Variants in L3HYPDH observed in about 807,000 individuals in gnomAD.
The protein encoded by L3HYPDH is trans-3-hydroxy-L-proline dehydratase.
L3HYPDH carries 32 observed loss-of-function variants against 26.5 expected under a neutral mutation model. The observed-to-expected ratio is 1.21, with a 90% CI of 0.91 to 1.62. The LOEUF is 1.62. Among genes scored for constraint, L3HYPDH ranks in the 40% most tolerant of loss-of-function variants. The pLI, the probability that L3HYPDH is intolerant of heterozygous loss-of-function variation, is 0.00. For missense variants in L3HYPDH, 554 were observed against 476.4 expected, an observed-to-expected ratio of 1.16 and a Z score of -1.52; for synonymous variants, 215 against 196.6, an observed-to-expected ratio of 1.09 and a Z score of -0.78.
chr14:59,479,432 G>T, intron 1 of L3HYPDH, 81 bp from the exon 2 acceptor site: 2 of 1,293,750 alleles, frequency 1.5e-6, no homozygotes, highest in Non-Finnish European at 2.2e-6. Flanking sequence ...TTTTTAATAT[G>T]TTTATTTTTC....
At chr14:59,502,755 T>TGTTTTTTTTTTTTTGTTTTTGTGTTTTG in the L3HYPDH span, among the ~76,000 whole-genome samples, 2 of 122,918 alleles carry the variant, frequency 1.6e-5, no homozygotes, top group African/African-American at 3.0e-5. Flanking sequence ...ATGAGATTTT[T>TGTTTTTTTTTTTTTGTTTTTGTGTTTTG]TTTTTTTTTT....
In L3HYPDH at chr14:59,483,866, C is replaced by T. The variant is rs1487376709; in HGVS notation, c.451G>A (p.Gly151Ser). ...AAGCGCACCGGTCCGTGGCTGCGGCCGTCCTCGCATGCCACGAAGGCGGTC... is the reference window on the plus strand; with the variant it reads ...AAGCGCACCGGTCCGTGGCTGCGGCTGTCCTCGCATGCCACGAAGGCGGTC... Reference protein sequence around the residue: ...LVTAFVACEDGRSHGPVRFHS... With the variant: ...LVTAFVACEDSRSHGPVRFHS... The change falls in exon 1 of 5, where the codon GGC becomes AGC. Residue 151 changes from glycine (G) to serine (S), a missense_variant. Gly to Ser is a moderately conservative substitution (Grantham distance 56). Transcript: ENST00000247194. 1.3e-6 allele frequency: 2 copies of T among 1,582,748 alleles called. No homozygotes were observed. The highest frequency in any genetic ancestry group is 1.3e-5 in the African/African-American group (1 of 74,516).
chr14:59,489,875 G>A, the L3HYPDH span, among the ~76,000 whole-genome samples: 1 of 109,992 alleles, frequency 9.1e-6, no homozygotes, highest in East Asian at 2.0e-4. Context: ...AGGGGGAGGA[G>A]GTACCTCTTT....
At chr14:59,477,883 C>T (rs376290421) in intron 2 of L3HYPDH, among the ~76,000 whole-genome samples, 5 of 152,320 alleles carry the variant, frequency 3.3e-5, no homozygotes. Flanking sequence ...TTCTCACGTA[C>T]TAAACATTCA....
the L3HYPDH span, among the ~76,000 whole-genome samples, chr14:59,503,464 A>G: frequency 6.6e-6 from 1 of 152,176 alleles, no homozygotes; most frequent in African/African-American, 2.4e-5. Context: ...TGTACCTCCT[A>G]TTTCCCACCT....
At chr14:59,485,099 GAGCC>G (rs1890427749), upstream of L3HYPDH, 1 of 1,598,308 alleles carries the variant, frequency 6.3e-7, no homozygotes, top group African/African-American at 1.3e-5. Context: ...CAGTCGCTTG[GAGCC>G]TGGGTTTTGC....
the L3HYPDH span, chr14:59,503,804 T>G: frequency 8.0e-6 from 9 of 1,126,406 alleles, no homozygotes; most frequent in South Asian, 1.2e-4. Context: ...CCAGCTGACT[T>G]AGCCTGATAA....
At chr14:59,492,540 C>G in the L3HYPDH span, among the ~76,000 whole-genome samples, 97 of 152,222 alleles carry the variant, frequency 6.4e-4, no homozygotes, top group African/African-American at 2.3e-3. Flanking sequence ...CATGGTATCC[C>G]CATCAGGCAT....
the L3HYPDH span, among the ~76,000 whole-genome samples, chr14:59,502,755 T>TGTTTTTTTTTTTTTTG: frequency 8.1e-5 from 10 of 122,952 alleles, no homozygotes; most frequent in Admixed American, 7.1e-4. Context: ...ATGAGATTTT[T>TGTTTTTTTTTTTTTTG]TTTTTTTTTT....
chr14:59,475,737 GAAGTTTTTACAGGCCTGCTTTAA>G, intron 4 of L3HYPDH, 109 bp downstream of exon 4: 1 of 991,866 alleles, frequency 1.0e-6, no homozygotes, highest in South Asian at 1.8e-5. Flanking sequence ...TAGTTGAAAA[GAAGTTTTTACAGGCCTGCTTTAA>G]AATTCTCTTC....
intron 2 of L3HYPDH, among the ~76,000 whole-genome samples, chr14:59,477,145 T>C (rs184944274): frequency 5.6e-4 from 85 of 152,288 alleles, no homozygotes; most frequent in South Asian, 1.2e-3. Context: ...ACCTCCACTA[T>C]AGCACATTCC....
the L3HYPDH span, chr14:59,495,015 T>C: frequency 4.3e-6 from 7 of 1,611,092 alleles, no homozygotes; most frequent in African/African-American, 5.3e-5. Context: ...TTTCCTTCTC[T>C]AGTTCCAGCG....
Position 59,479,353 on chromosome 14 carries a change from TA to T in L3HYPDH, c.509-3del, listed in dbSNP as rs749458307. 1.6e-5 allele frequency: 25 copies of T among 1,595,384 alleles called. No individual in the cohort carries two copies. Among genetic ancestry groups the T allele is most frequent in the Admixed American group, 5.3e-5 (3 of 57,088 alleles). ...GTCCAGGAACATCCACCATGAGATCTAAAAAAAAGATGTGTTTGGAAAGAAG... is the reference window on the plus strand; with the variant it reads ...GTCCAGGAACATCCACCATGAGATCTAAAAAAAGATGTGTTTGGAAAGAAG... On this transcript the variant is annotated splice_polypyrimidine_tract_variant and splice_region_variant and intron_variant, in intron 1 of 4. Coordinates refer to ENST00000247194, the MANE Select transcript of L3HYPDH (RefSeq NM_144581.2).
intron 4 of L3HYPDH, chr14:59,474,359 G>A: frequency 1.7e-6 from 1 of 572,496 alleles, no homozygotes. Context: ...TCAGGAGGCA[G>A]GATGGGTCTC....
the L3HYPDH span, among the ~76,000 whole-genome samples, chr14:59,495,821 A>T: frequency 6.6e-6 from 1 of 152,252 alleles, no homozygotes; most frequent in Admixed American, 6.5e-5. Context: ...TAATAATAAA[A>T]CATCAAAAAC....
Position 59,483,866 on chromosome 14 carries a change from C to G in L3HYPDH, c.451G>C (p.Gly151Arg). 1 of 1,582,866 alleles carries G rather than the reference C, an allele frequency of 6.3e-7. No individual in the cohort carries two copies. The highest frequency in any genetic ancestry group is 8.5e-7 in the Non-Finnish European group (1 of 1,171,718). Reference protein sequence around the residue: ...LVTAFVACEDGRSHGPVRFHS... With the variant: ...LVTAFVACEDRRSHGPVRFHS... ...AAGCGCACCGGTCCGTGGCTGCGGC[C>G]GTCCTCGCATGCCACGAAGGCGGTC... is the stretch of plus-strand genomic sequence containing the variant. The change falls in exon 1 of 5, where the codon GGC (glycine) becomes CGC (arginine). Residue 151 changes from glycine (G) to arginine (R), a missense_variant. By Grantham distance (125) the Gly-to-Arg change is moderately radical. Coordinates refer to ENST00000247194, the MANE Select transcript of L3HYPDH (RefSeq NM_144581.2).
the L3HYPDH span, among the ~76,000 whole-genome samples, chr14:59,499,755 G>A: frequency 1.4e-4 from 21 of 152,160 alleles, no homozygotes; most frequent in Non-Finnish European, 3.1e-4. Flanking sequence ...GGGCTTGAGG[G>A]TAAGACCAAG....
chr14:59,476,586 G>A (rs2139809994), intron 2 of L3HYPDH, among the ~76,000 whole-genome samples: 1 of 152,298 alleles, frequency 6.6e-6, no homozygotes, highest in African/African-American at 2.4e-5. Flanking sequence ...GATGAGCTAA[G>A]GCAATCATAG....
intron 4 of L3HYPDH, among the ~76,000 whole-genome samples, chr14:59,474,200 G>A (rs1292277507): frequency 6.6e-6 from 1 of 152,150 alleles, no homozygotes; most frequent in Non-Finnish European, 1.5e-5. Context: ...TGGGGGGTAA[G>A]CCAAGGGCAT....
Sources: gnomAD v4.1 joint callset for allele counts (sites outside exome capture counted in the v4.1 genomes callset) on GRCh38, gnomAD v4.1.1 for gene constraint, MANE v1.5 for transcripts, NCBI Gene and HGNC (gene_info 2026-07-23, HGNC 2026-07-21) for gene names.